The following MCC variants were observed in gnomAD, a reference collection of about 807,000 sequenced individuals.
MCC encodes colorectal mutant cancer protein.
In MCC, 90 loss-of-function variants were observed where a neutral mutation model predicts 116.2. That is an observed-to-expected ratio of 0.77 (90% CI 0.65 to 0.92). The LOEUF (loss-of-function observed/expected upper bound fraction) is 0.92, where lower values mean the gene tolerates loss of function less well. MCC is among the 40% of genes least tolerant of loss of function. The pLI is 0.00. For missense variants in MCC, 1,516 were observed against 1,312.2 expected (o/e 1.16, Z -2.40); for synonymous variants, 578 against 510.5 (o/e 1.13, Z -1.78).
At chr5:113,095,916 G>A (rs938754136) in intron 8 of MCC, among the ~76,000 whole-genome samples, 1 of 152,194 alleles carries the variant, frequency 6.6e-6, no homozygotes, top group Non-Finnish European at 1.5e-5. Flanking sequence ...GCTTGCACTG[G>A]TAAGTGGCTC....
At chr5:113,080,337 T>C (rs112802193) in intron 11 of MCC, among the ~76,000 whole-genome samples, 77,581 of 152,102 alleles carry the variant, frequency 0.51, 22,634 homozygotes, top group East Asian at 0.68. Flanking sequence ...TATGCTGCTA[T>C]AAAGACACAT....
At chr5:113,105,975 C>A (rs1018134332) in intron 6 of MCC, among the ~76,000 whole-genome samples, 4 of 152,280 alleles carry the variant, frequency 2.6e-5, no homozygotes, top group Admixed American at 2.6e-4. Flanking sequence ...CAGGCCCCAC[C>A]CCAGACCAAT....
At chr5:113,442,620 T>C (rs1771075261) in intron 1 of MCC, among the ~76,000 whole-genome samples, 1 of 152,248 alleles carries the variant, frequency 6.6e-6, no homozygotes, top group Non-Finnish European at 1.5e-5. Context: ...TCTAGGATTT[T>C]TATGTTTTTA....
intron 3 of MCC, among the ~76,000 whole-genome samples, chr5:113,300,308 A>C (rs967864424): frequency 1.3e-5 from 2 of 152,102 alleles, no homozygotes; most frequent in African/African-American, 4.8e-5. Flanking sequence ...CCAGCAGTCC[A>C]CTGTGCTGAG....
chr5:113,384,319 C>T lies in MCC; in HGVS notation c.415+649G>A, dbSNP rs189616758. Among the ~76,000 whole-genome samples, 285 of 152,238 alleles carry T rather than the reference C, an allele frequency of 1.9e-3. 3 individuals are homozygous for T. Among genetic ancestry groups the T allele is most frequent in the African/African-American group, 6.4e-3 (267 of 41,548 alleles). On this transcript the variant is annotated intron_variant, in intron 2 of 18. Transcript: ENST00000408903. Reference sequence around the variant, plus strand: ...AAAATTGCTTTTAGGCCAGGCGCAGCGGCTCACACCTGTAATCCCAGCACT... The same window carrying T: ...AAAATTGCTTTTAGGCCAGGCGCAGTGGCTCACACCTGTAATCCCAGCACT...
chr5:113,049,921 A>G (rs777202306), intron 15 of MCC, among the ~76,000 whole-genome samples: 1 of 152,194 alleles, frequency 6.6e-6, no homozygotes, highest in Non-Finnish European at 1.5e-5. Flanking sequence ...TCATCAGACA[A>G]CTTCTAAAAG....
intron 4 of MCC, among the ~76,000 whole-genome samples, chr5:113,145,779 CACACAA>C (rs1378146195): frequency 1.2e-3 from 17 of 13,768 alleles, no homozygotes; most frequent in East Asian, 6.4e-3. Context: ...CACACACACA[CACACAA>C]ACACACACAC....
intron 3 of MCC, among the ~76,000 whole-genome samples, chr5:113,279,698 C>G (rs116199313): frequency 0.019 from 2,891 of 152,246 alleles, 43 homozygotes; most frequent in Non-Finnish European, 0.029. Context: ...CATTACGTTA[C>G]CATTCTCACA....
intron 6 of MCC, among the ~76,000 whole-genome samples, chr5:113,112,038 G>C (rs1302595830): frequency 6.6e-6 from 1 of 152,146 alleles, no homozygotes; most frequent in East Asian, 1.9e-4. Context: ...AGCTCCAACA[G>C]GTGAGATGTT....
In MCC at chr5:113,022,748, T is replaced by TAA. The variant is rs1271650099; in HGVS notation, c.*4552_*4553dup. 2 of 152,236 alleles carry TAA rather than the reference T, an allele frequency of 1.3e-5. No individual in the cohort carries two copies. Among genetic ancestry groups the TAA allele is most frequent in the African/African-American group, 4.8e-5 (2 of 41,464 alleles). 9.4% of individuals were successfully genotyped at this position (152,236 alleles called of 1,614,324 possible). On this transcript the variant is annotated 3_prime_UTR_variant, in exon 19 of 19. Coordinates refer to ENST00000408903, the MANE Select transcript of MCC (RefSeq NM_001085377.2). ...TGTGAATGTGGGGGAAATTTGTGTA[T>TAA]AACTTGCTTTGTTCTGCTGAGCTGA... is the stretch of plus-strand genomic sequence containing the variant.
chr5:113,054,333 G>A (rs190857998), intron 14 of MCC, among the ~76,000 whole-genome samples: 61 of 152,346 alleles, frequency 4.0e-4, no homozygotes, highest in African/African-American at 1.3e-3. Context: ...ATTGTAATAA[G>A]TGAAATTATA....
chr5:113,127,599 G>A lies in MCC; in HGVS notation c.885-4773C>T, dbSNP rs141888642. Among the ~76,000 whole-genome samples the A allele has an allele frequency of 2.2e-3, 335 of 152,260 alleles. 2 individuals are homozygous for A. The highest frequency in any genetic ancestry group is 7.7e-3 in the African/African-American group (319 of 41,542). On this transcript the variant is annotated intron_variant, in intron 5 of 18. Transcript: ENST00000408903. ...GTTTTGATTTCCATTTCTCTAATGAGCAGCAATATTGAGCTTTTTTTCATA... is the reference window on the plus strand; with the variant it reads ...GTTTTGATTTCCATTTCTCTAATGAACAGCAATATTGAGCTTTTTTTCATA...
At position 113,027,139 on chromosome 5, in the gene MCC, A is replaced by C. The variant is rs1750602413; in HGVS notation, c.*163T>G. The C allele has an allele frequency of 3.3e-5, 22 of 659,880 alleles. No homozygotes were observed. In the South Asian group the frequency reaches 4.3e-4, roughly 13 times the overall value. The allele number at this position is 659,880 out of a possible 1,614,324, so 40.9% of individuals were successfully genotyped here. A position where few individuals can be genotyped will look rare whatever the true frequency, so the allele number is the denominator to read the frequency against. Reference sequence around the variant, plus strand: ...TACAGTCCACAATGTCACCATGGCCAGTCGCCCCAAGGGTTGAGTTGGGGC... The same window carrying C: ...TACAGTCCACAATGTCACCATGGCCCGTCGCCCCAAGGGTTGAGTTGGGGC... On this transcript the variant is annotated 3_prime_UTR_variant, in exon 19 of 19. Transcript: ENST00000408903.
At chr5:113,147,441 T>C (rs1403082464) in intron 4 of MCC, among the ~76,000 whole-genome samples, 1 of 152,212 alleles carries the variant, frequency 6.6e-6, no homozygotes, top group Non-Finnish European at 1.5e-5. Context: ...AGGCCACTGA[T>C]CTTTAATCAT....
In MCC at chr5:113,024,547, A is replaced by G. The variant is rs1300029679; in HGVS notation, c.*2755T>C. ...GACTGAATTCTGAACAGAGATGGTT[A>G]CTGACTAAAAGGGGGTAACCACTGA... On this transcript the variant is annotated 3_prime_UTR_variant, in exon 19 of 19. Transcript: ENST00000408903. 2 of 152,226 alleles carry G rather than the reference A, an allele frequency of 1.3e-5. No homozygotes were observed. Among genetic ancestry groups the G allele is most frequent in the Non-Finnish European group, 2.9e-5 (2 of 68,030 alleles). 9.4% of individuals were successfully genotyped at this position (152,226 alleles called of 1,614,324 possible).
intron 1 of MCC, among the ~76,000 whole-genome samples, chr5:113,404,136 G>C (rs1273840592): frequency 5.9e-5 from 9 of 152,020 alleles, no homozygotes; most frequent in Admixed American, 5.2e-4. Flanking sequence ...CAAAGTGCTG[G>C]GATTACAATT....
chr5:113,043,744 C>G, intron 16 of MCC, 114 bp from the exon 17 acceptor site: 1 of 671,264 alleles, frequency 1.5e-6, no homozygotes, highest in East Asian at 2.8e-5. Context: ...GTGTGGGCAC[C>G]GGGTGGCGCC....
At chr5:113,065,345 A>G (rs1036854024) in intron 13 of MCC, among the ~76,000 whole-genome samples, 11 of 152,196 alleles carry the variant, frequency 7.2e-5, no homozygotes, top group African/African-American at 2.7e-4. Context: ...CTGTGAACCT[A>G]AAACTGCTCT....
At chr5:113,442,915 T>A (rs1771084195) in intron 1 of MCC, among the ~76,000 whole-genome samples, 1 of 152,230 alleles carries the variant, frequency 6.6e-6, no homozygotes, top group Non-Finnish European at 1.5e-5. Flanking sequence ...TGTAGTATAG[T>A]TTGAAGTCAG....
Sources: gnomAD v4.1 joint callset for allele counts (sites outside exome capture counted in the v4.1 genomes callset) on GRCh38, gnomAD v4.1.1 for gene constraint, MANE v1.5 for transcripts, NCBI Gene and HGNC (gene_info 2026-07-23, HGNC 2026-07-21) for gene names.